Variants in MEF2C observed in about 807,000 individuals in gnomAD.
The protein encoded by MEF2C is myocyte-specific enhancer factor 2C.
MEF2C carries 6 observed loss-of-function variants against 50.5 expected under a neutral mutation model. That is an observed-to-expected ratio of 0.12 (90% CI 0.07 to 0.23). The LOEUF (loss-of-function observed/expected upper bound fraction) is 0.23, where lower values mean the gene tolerates loss of function less well. Among genes scored for constraint, MEF2C ranks in the 10% least tolerant of loss-of-function variants. MEF2C has a pLI of 1.00. For missense variants in MEF2C, 276 were observed against 605.0 expected (o/e 0.46, Z 5.70); for synonymous variants, 183 against 228.0 (o/e 0.80, Z 1.78).
At chr5:88,796,074 C>A (rs1795914085) in intron 3 of MEF2C, among the ~76,000 whole-genome samples, 1 of 152,152 alleles carries the variant, frequency 6.6e-6, no homozygotes, top group Non-Finnish European at 1.5e-5. Context: ...CATCGATGTT[C>A]ATCAGGGATA....
intron 3 of MEF2C, among the ~76,000 whole-genome samples, chr5:88,802,381 G>A (rs1158450056): frequency 2.0e-5 from 3 of 152,160 alleles, no homozygotes; most frequent in Non-Finnish European, 4.4e-5. Flanking sequence ...AAAGAAGTCT[G>A]ACTTTCAAAT....
chr5:88,776,317 ATATC>A lies in MEF2C; in HGVS notation c.259-14993_259-14990del, dbSNP rs1784733112. On this transcript the variant is annotated intron_variant, in intron 3 of 10. Transcript: ENST00000504921. ...GCATGATTAAATCTAACTAATTAAC[ATATC>A]TATCACCTCTCTTATTTTTTATGGT... 3.3e-5 allele frequency among the ~76,000 whole-genome samples: 5 copies of A among 152,316 alleles called. No homozygotes were observed. In the South Asian group the frequency reaches 1.0e-3, roughly 32 times the overall value.
intron 6 of MEF2C, chr5:88,735,627 C>A: frequency 1.0e-6 from 1 of 983,016 alleles, no homozygotes; most frequent in South Asian, 4.7e-5. Context: ...GAATCTACCT[C>A]TTCTGGTTAC....
In MEF2C at chr5:88,722,831, TAGG is replaced by T; in HGVS notation, c.1192_1194del (p.Pro398del). 6.2e-7 allele frequency: 1 copy of T among 1,613,938 alleles called. No homozygotes were observed. Among genetic ancestry groups the T allele is most frequent in the Non-Finnish European group, 8.5e-7 (1 of 1,179,858 alleles). ...CTCGAAGGGGTGGTGGTACGGTCTC[TAGG>T]AGGAGAAACAGGTTCTGACTTGATG... On this transcript the variant is annotated inframe_deletion, in exon 11 of 11. Transcript: ENST00000504921.
intron 4 of MEF2C, chr5:88,760,868 G>T (rs1777539387): frequency 5.5e-6 from 6 of 1,091,606 alleles, no homozygotes; most frequent in African/African-American, 1.6e-5. Context: ...CCCGTGGGAT[G>T]AGATGGCTAT....
At chr5:88,806,819 G>A (rs765715015) in intron 2 of MEF2C, among the ~76,000 whole-genome samples, 2 of 151,016 alleles carry the variant, frequency 1.3e-5, no homozygotes, top group Non-Finnish European at 3.0e-5. Context: ...TGTGTGATCT[G>A]TTTAACCTCT....
intron 6 of MEF2C, chr5:88,735,487 T>G (rs760204953): frequency 1.0e-6 from 1 of 985,196 alleles, no homozygotes; most frequent in Non-Finnish European, 1.2e-6. Flanking sequence ...TGATTATAGA[T>G]TATAAGAAAA....
At chr5:88,879,385 TA>T (rs1183664573) in intron 1 of MEF2C, among the ~76,000 whole-genome samples, 1 of 33,510 alleles carries the variant, frequency 3.0e-5, no homozygotes, top group African/African-American at 1.8e-4. Flanking sequence ...ATATATATTA[TA>T]TATATATATA....
upstream of MEF2C, among the ~76,000 whole-genome samples, chr5:88,886,762 G>T (rs1373901052): frequency 6.6e-6 from 1 of 152,076 alleles, no homozygotes; most frequent in East Asian, 1.9e-4. Flanking sequence ...TCCCTCAAAA[G>T]AATTATGTTT....
At chr5:88,745,285 C>A (rs1485099992) in intron 6 of MEF2C, among the ~76,000 whole-genome samples, 1 of 152,174 alleles carries the variant, frequency 6.6e-6, no homozygotes, top group Non-Finnish European at 1.5e-5. Context: ...AATCATAATG[C>A]AATGAGAAAT....
rs192395157 is a variant in MEF2C, at chr5:88,757,050, G to T, written c.402+4135C>A. On this transcript the variant is annotated intron_variant, in intron 4 of 10. Transcript: ENST00000504921. ...ACAGCAGAGTATTTAACCAAGTGCA[G>T]CCCTATGAGAACAGGGCCAAGTCGA... Among the ~76,000 whole-genome samples the T allele has an allele frequency of 1.6e-4, 24 of 151,956 alleles. No individual in the cohort carries two copies. In the East Asian group the frequency reaches 4.1e-3, roughly 26 times the overall value.
In MEF2C at chr5:88,849,687, A is replaced by G. The variant is rs200966381; in HGVS notation, c.-142-25757T>C. 5.9e-5 allele frequency among the ~76,000 whole-genome samples: 9 copies of G among 152,320 alleles called. No homozygotes were observed. In the East Asian group the frequency reaches 1.5e-3, roughly 26 times the overall value. On this transcript the variant is annotated intron_variant, in intron 1 of 10. Transcript: ENST00000504921. ...TATTTCGAAATGCAGAAACTTCCAG[A>G]AATTAGCAAATCCAGTATACTCTAG... is the stretch of plus-strand genomic sequence containing the variant.
intron 3 of MEF2C, among the ~76,000 whole-genome samples, chr5:88,784,155 A>T (rs1180494689): frequency 6.6e-5 from 10 of 152,188 alleles, no homozygotes; most frequent in Admixed American, 6.5e-4. Flanking sequence ...TAAGCATTTG[A>T]TGCATAGAAT....
At chr5:88,826,905 A>AT (rs1203157355) in intron 1 of MEF2C, 79 of 133,016 alleles carry the variant, frequency 5.9e-4, no homozygotes, top group African/African-American at 2.9e-3. Context: ...ATAATCACTA[A>AT]TTTAAAAAAA....
At chr5:88,749,409 A>T in intron 5 of MEF2C, 1 of 985,118 alleles carries the variant, frequency 1.0e-6, no homozygotes, top group East Asian at 1.1e-4. Context: ...GGTTTTCCCT[A>T]AGCAGATGTT....
intron 1 of MEF2C, among the ~76,000 whole-genome samples, chr5:88,896,963 A>ACACG (rs1181382898): frequency 6.6e-6 from 1 of 151,454 alleles, no homozygotes; most frequent in South Asian, 2.1e-4. Flanking sequence ...ACACACACAC[A>ACACG]CACGCACAAC....
intron 3 of MEF2C, chr5:88,780,865 C>G (rs773187473): frequency 5.3e-5 from 52 of 985,192 alleles, no homozygotes; most frequent in African/African-American, 8.7e-5. Flanking sequence ...ACATCTCTCT[C>G]GTTCTTTCAC....
At chr5:88,762,828 A>G (rs2152691693) in intron 3 of MEF2C, among the ~76,000 whole-genome samples, 1 of 152,348 alleles carries the variant, frequency 6.6e-6, no homozygotes, top group South Asian at 2.1e-4. Flanking sequence ...CAGAATTCAC[A>G]TACAAATAAA....
chr5:88,828,680 T>C (rs143388444), intron 1 of MEF2C, among the ~76,000 whole-genome samples: 1 of 152,152 alleles, frequency 6.6e-6, no homozygotes, highest in African/African-American at 2.4e-5. Flanking sequence ...ATATGTTACA[T>C]CTAGTTACAT....
Sources: gnomAD v4.1 joint callset for allele counts (sites outside exome capture counted in the v4.1 genomes callset) on GRCh38, gnomAD v4.1.1 for gene constraint, MANE v1.5 for transcripts, NCBI Gene and HGNC (gene_info 2026-07-23, HGNC 2026-07-21) for gene names.